The following CRY1 variants were observed in gnomAD, a reference collection of about 807,000 sequenced individuals.
The protein encoded by CRY1 is cryptochrome-1.
Under a neutral mutation model 76.0 loss-of-function variants are expected in CRY1, and 45 were observed. The ratio of observed to expected loss-of-function variants is 0.59; its 90% CI spans 0.47 to 0.76. The LOEUF (loss-of-function observed/expected upper bound fraction) is 0.76. Among genes scored for constraint, CRY1 ranks in the 30% least tolerant of loss-of-function variants. The pLI, the probability that CRY1 is intolerant of heterozygous loss-of-function variation, is 0.00. For missense variants in CRY1, 587 were observed against 716.4 expected, an observed-to-expected ratio of 0.82 and a Z score of 2.06; for synonymous variants, 248 against 244.0, an observed-to-expected ratio of 1.02 and a Z score of -0.15.
intron 2 of CRY1, among the ~76,000 whole-genome samples, chr12:107,016,446 G>C (rs1952499279): frequency 6.6e-6 from 1 of 152,190 alleles, no homozygotes; most frequent in South Asian, 2.1e-4. Context: ...ACTAAAAGTT[G>C]TAAATCACAT....
At chr12:107,024,482 TTC>T (rs754861842) in intron 1 of CRY1, among the ~76,000 whole-genome samples, 2 of 152,066 alleles carry the variant, frequency 1.3e-5, no homozygotes, top group Non-Finnish European at 2.9e-5. Flanking sequence ...CAGCCTTGAC[TTC>T]TCCCACCTAA....
At chr12:107,010,066 T>C (rs926794170) in intron 2 of CRY1, among the ~76,000 whole-genome samples, 3 of 152,270 alleles carry the variant, frequency 2.0e-5, no homozygotes, top group East Asian at 1.9e-4. Context: ...ATTTAAGAGA[T>C]ATAGGGCTAT....
In CRY1 at chr12:107,004,152, C is replaced by T. The variant is rs190685802; in HGVS notation, c.410+954G>A. On this transcript the variant is annotated intron_variant, in intron 3 of 12. Coordinates refer to ENST00000008527, the MANE Select transcript of CRY1 (RefSeq NM_004075.5). ...TGAGTCTCCCACTTAGAAGCAACTG[C>T]TTTTATCCTGTGTTGCCCCCTCCTT... Among the ~76,000 whole-genome samples, 5 of 152,216 alleles carry T rather than the reference C, an allele frequency of 3.3e-5. No individual in the cohort carries two copies. The East Asian group carries it at 9.6e-4, about 29-fold the overall frequency.
chr12:107,032,123 G>A (rs140971877), intron 1 of CRY1, among the ~76,000 whole-genome samples: 1,894 of 151,162 alleles, frequency 0.013, 31 homozygotes, highest in African/African-American at 0.044. Flanking sequence ...TAGTAGAGAC[G>A]GGGTTTCGCC....
At position 106,997,485 on chromosome 12, in the gene CRY1, T is replaced by C. The variant is rs1593491289; in HGVS notation, c.1492+3A>G. The C allele has an allele frequency of 6.2e-7, 1 of 1,613,812 alleles. No homozygotes were observed. The highest frequency in any genetic ancestry group is 1.1e-5 in the South Asian group (1 of 91,078). On this transcript the variant is annotated splice_donor_region_variant and intron_variant, in intron 9 of 12. Transcript: ENST00000008527. ...AAAGAAACAAAGACAGTTCTTAACA[T>C]ACCTAGTCCTCTATATCGTGAAAGC...
chr12:107,028,253 G>A (rs1184389160), intron 1 of CRY1, among the ~76,000 whole-genome samples: 3 of 152,040 alleles, frequency 2.0e-5, no homozygotes, highest in Non-Finnish European at 2.9e-5. Context: ...ATTTGTGTGT[G>A]TGTAAATTTA....
intron 2 of CRY1, among the ~76,000 whole-genome samples, chr12:107,013,879 T>A (rs1024893680): frequency 7.9e-5 from 12 of 152,236 alleles, no homozygotes; most frequent in African/African-American, 2.4e-4. Context: ...GTTGAATAAA[T>A]CATTAAAATT....
rs151055878 is a variant in CRY1, at chr12:107,022,877, G to A, written c.159-685C>T. 5.1e-3 allele frequency among the ~76,000 whole-genome samples: 771 copies of A among 151,542 alleles called. 6 individuals are homozygous for A. Among genetic ancestry groups the A allele is most frequent in the African/African-American group, 0.018 (727 of 41,352 alleles). The stretch of plus-strand genomic sequence containing the variant: ...AAAAAAAAAGAAAAGGTTTCATGGA[G>A]TTGGGGTGGAGATTATAGACTTTTT... On this transcript the variant is annotated intron_variant, in intron 1 of 12. Transcript: ENST00000008527.
At chr12:107,039,293 G>A (rs1952770575) in intron 1 of CRY1, among the ~76,000 whole-genome samples, 1 of 152,094 alleles carries the variant, frequency 6.6e-6, no homozygotes, top group South Asian at 2.1e-4. Flanking sequence ...TCATCAATAT[G>A]ACTCCAAAGG....
intron 1 of CRY1, among the ~76,000 whole-genome samples, chr12:107,066,951 C>G (rs1271480799): frequency 6.6e-6 from 1 of 151,748 alleles, no homozygotes; most frequent in Non-Finnish European, 1.5e-5. Flanking sequence ...AAGCACATGT[C>G]ACCACACCCA....
intron 5 of CRY1, among the ~76,000 whole-genome samples, chr12:107,000,937 A>G (rs1030723666): frequency 4.6e-5 from 7 of 152,230 alleles, no homozygotes; most frequent in African/African-American, 1.4e-4. Flanking sequence ...GGCGTAAGCC[A>G]CCATGCCTGG....
intron 1 of CRY1, among the ~76,000 whole-genome samples, chr12:107,023,487 T>G (rs566242817): frequency 6.6e-6 from 1 of 152,332 alleles, no homozygotes; most frequent in South Asian, 2.1e-4. Context: ...AAAAAGCTGC[T>G]TGGTCTAGAT....
chr12:107,006,366 G>A lies in CRY1; in HGVS notation c.268-1118C>T, dbSNP rs540590904. On this transcript the variant is annotated intron_variant, in intron 2 of 12. Coordinates refer to ENST00000008527, the MANE Select transcript of CRY1 (RefSeq NM_004075.5). ...CTCCAGACTGAGCGACAGGAGCGAGGCTCCATCTCAAAAAAAAAAAATTGC... is the reference window on the plus strand; with the variant it reads ...CTCCAGACTGAGCGACAGGAGCGAGACTCCATCTCAAAAAAAAAAAATTGC... 6.6e-5 allele frequency among the ~76,000 whole-genome samples: 10 copies of A among 151,146 alleles called. No individual in the cohort carries two copies. In the East Asian group the frequency reaches 2.0e-3, roughly 29 times the overall value.
intron 2 of CRY1, among the ~76,000 whole-genome samples, chr12:107,007,449 A>G (rs1952387332): frequency 6.6e-6 from 1 of 152,208 alleles, no homozygotes; most frequent in Non-Finnish European, 1.5e-5. Context: ...AAAGAATTAA[A>G]TAACATAATG....
chr12:107,034,289 C>T (rs546054486), intron 1 of CRY1, among the ~76,000 whole-genome samples: 89 of 152,054 alleles, frequency 5.9e-4, no homozygotes, highest in Non-Finnish European at 1.1e-3. Flanking sequence ...CCAGATGTTA[C>T]CCTATATGGT....
chr12:107,056,890 C>CTA (rs1952989498), intron 1 of CRY1, among the ~76,000 whole-genome samples: 1 of 151,986 alleles, frequency 6.6e-6, no homozygotes, highest in Admixed American at 6.6e-5. Flanking sequence ...ACCTAAAATT[C>CTA]TATATTCATG....
At position 106,991,557 on chromosome 12, in the gene CRY1, CATT is replaced by C. The variant is rs1259410806; in HGVS notation, c.*442_*444del. 2 of 152,560 alleles carry C rather than the reference CATT, an allele frequency of 1.3e-5. No homozygotes were observed. Among genetic ancestry groups the C allele is most frequent in the East Asian group, 1.9e-4 (1 of 5,190 alleles). 9.5% of individuals were successfully genotyped at this position (152,560 alleles called of 1,614,324 possible). On this transcript the variant is annotated 3_prime_UTR_variant, in exon 13 of 13. Transcript: ENST00000008527. ...TTTGGATTACGCACATTATCTAAAA[CATT>C]ATTATCAAAGAGTGCAAAGTTAGAT...
At chr12:107,042,402 GA>G (rs1445957652) in intron 1 of CRY1, among the ~76,000 whole-genome samples, 1 of 152,084 alleles carries the variant, frequency 6.6e-6, no homozygotes, top group African/African-American at 2.4e-5. Context: ...GACATTAACT[GA>G]AACACATGAT....
chr12:107,087,026 GGAAAAGAAAAGA>G (rs1565848658), intron 1 of CRY1, among the ~76,000 whole-genome samples: 1 of 151,650 alleles, frequency 6.6e-6, no homozygotes, highest in Admixed American at 6.6e-5. Context: ...AAGAAAGAAA[GGAAAAGAAAAGA>G]GAAAAGAAAA....
Sources: allele counts gnomAD v4.1 joint callset (sites outside exome capture counted in the v4.1 genomes callset), GRCh38; gene constraint gnomAD v4.1.1; transcripts MANE v1.5; gene names NCBI Gene and HGNC (gene_info 2026-07-23, HGNC 2026-07-21).